Variants in ZKSCAN5 observed in about 807,000 individuals in gnomAD.
ZKSCAN5 encodes the protein zinc finger protein with KRAB and SCAN domains 5.
In ZKSCAN5, 28 loss-of-function variants were observed where a neutral mutation model predicts 60.0. The observed-to-expected ratio is 0.47, with a 90% CI of 0.35 to 0.64. ZKSCAN5 has a LOEUF of 0.64. Ranked by LOEUF, ZKSCAN5 falls within the 30% of genes least tolerant of loss-of-function variation. ZKSCAN5 has a pLI of 0.01. For missense variants in ZKSCAN5, 881 were observed against 1,034.6 expected (o/e 0.85, Z 2.04); for synonymous variants, 361 against 371.2 (o/e 0.97, Z 0.31).
intron 1 of ZKSCAN5, 44 bp from the exon 2 acceptor site, chr7:99,505,961 T>C (rs771210496): frequency 7.3e-5 from 108 of 1,485,698 alleles, no homozygotes; most frequent in Non-Finnish European, 9.6e-5. Context: ...CTACTGAAAG[T>C]GTCCTTCAGA....
intron 5 of ZKSCAN5, among the ~76,000 whole-genome samples, chr7:99,522,765 G>A (rs1246306477): frequency 6.6e-6 from 1 of 151,786 alleles, no homozygotes; most frequent in Non-Finnish European, 1.5e-5. Flanking sequence ...GGGATTACAG[G>A]CGTGAGCCAC....
At position 99,533,127 on chromosome 7, in the gene ZKSCAN5, A is replaced by G; in HGVS notation, c.*878A>G. On this transcript the variant is annotated 3_prime_UTR_variant, in exon 7 of 7. Transcript: ENST00000326775. ...AGGAGTTGGACCAAGGCGAATTACG[A>G]GTCCTGGTCCCAGCAGTATGTGTGC... 2.3e-6 allele frequency: 1 copy of G among 434,524 alleles called. No homozygotes were observed. The highest frequency in any genetic ancestry group is 4.7e-6 in the Non-Finnish European group (1 of 213,836). 26.9% of individuals were successfully genotyped at this position (434,524 alleles called of 1,614,324 possible). A position where few individuals can be genotyped will look rare whatever the true frequency, so the allele number is the denominator to read the frequency against.
chr7:99,532,326 A>AT lies in ZKSCAN5; in HGVS notation c.*82dup. On this transcript the variant is annotated 3_prime_UTR_variant, in exon 7 of 7. Transcript: ENST00000326775. ...AATGAGCAAAGTAACAACTTCAAGC[A>AT]TTTTTCCAGCGTTACCATCAAACTC... 7.2e-7 allele frequency: 1 copy of AT among 1,394,132 alleles called. No homozygotes were observed. Among genetic ancestry groups the AT allele is most frequent in the Non-Finnish European group, 9.6e-7 (1 of 1,043,748 alleles). 86.4% of individuals were successfully genotyped at this position (1,394,132 alleles called of 1,614,324 possible). A position where few individuals can be genotyped will look rare whatever the true frequency, so the allele number is the denominator to read the frequency against.
intron 6 of ZKSCAN5, among the ~76,000 whole-genome samples, chr7:99,529,294 C>T (rs565121276): frequency 2.0e-5 from 3 of 152,210 alleles, no homozygotes; most frequent in Non-Finnish European, 2.9e-5. Flanking sequence ...GCACCTACCA[C>T]GATCCCTTGC....
chr7:99,522,333 G>A (rs1307894004), intron 5 of ZKSCAN5, among the ~76,000 whole-genome samples: 2 of 152,168 alleles, frequency 1.3e-5, no homozygotes, highest in Non-Finnish European at 2.9e-5. Context: ...TGGGGAACAA[G>A]AGATAGTTTC....
intron 2 of ZKSCAN5, among the ~76,000 whole-genome samples, chr7:99,512,031 A>G (rs1801057163): frequency 6.6e-6 from 1 of 152,068 alleles, no homozygotes; most frequent in Admixed American, 6.6e-5. Context: ...TGACCTAGTG[A>G]TCCACCTGCC....
intron 2 of ZKSCAN5, among the ~76,000 whole-genome samples, chr7:99,509,100 T>C (rs939307820): frequency 6.6e-6 from 1 of 152,164 alleles, no homozygotes; most frequent in African/African-American, 2.4e-5. Context: ...GTGATTCTCC[T>C]GCCTCAGCCT....
chr7:99,511,216 TTG>T (rs1368774856), intron 2 of ZKSCAN5, among the ~76,000 whole-genome samples: 1 of 152,200 alleles, frequency 6.6e-6, no homozygotes, highest in Non-Finnish European at 1.5e-5. Context: ...TAGAGAGTGG[TTG>T]TGGCAGAGTA....
intron 2 of ZKSCAN5, among the ~76,000 whole-genome samples, chr7:99,511,634 G>A (rs1801032310): frequency 6.6e-6 from 1 of 151,220 alleles, no homozygotes; most frequent in South Asian, 2.1e-4. Flanking sequence ...GGAGAGACAG[G>A]GTCTCACTGT....
chr7:99,526,201 G>A lies in ZKSCAN5; in HGVS notation c.1161G>A (p.Val387=), dbSNP rs1373623082. Residue 387 remains valine, a synonymous_variant, in exon 6 of 7, where the codon GTG becomes GTA. Transcript: ENST00000326775. ...GTGGGAAGAGCTACAATCAGCGGGT[G>A]CACCTCACCCAGCACCAGCGCGTCC... ...GECGKSYNQR[V]HLTQHQRVHT... 6.2e-7 allele frequency: 1 copy of A among 1,614,154 alleles called. No individual in the cohort carries two copies. The highest frequency in any genetic ancestry group is 8.5e-7 in the Non-Finnish European group (1 of 1,180,024).
chr7:99,511,435 T>TTTTCTTTC (rs1013425000), intron 2 of ZKSCAN5, among the ~76,000 whole-genome samples: 4 of 151,982 alleles, frequency 2.6e-5, no homozygotes, highest in Non-Finnish European at 5.9e-5. Flanking sequence ...GAGAATTTTG[T>TTTTCTTTC]TTTCTTTCTT....
intron 5 of ZKSCAN5, among the ~76,000 whole-genome samples, chr7:99,521,842 A>G (rs1249304662): frequency 1.3e-5 from 2 of 152,106 alleles, no homozygotes; most frequent in Non-Finnish European, 2.9e-5. Flanking sequence ...TTACTCATAT[A>G]GTATAAATGT....
At position 99,531,115 on chromosome 7, in the gene ZKSCAN5, C is replaced by A. The variant is rs746247681; in HGVS notation, c.1386C>A (p.Asp462Glu). Residue 462 changes from aspartate (D) to glutamate (E), a missense_variant, in exon 7 of 7, where the codon GAC becomes GAA. Coordinates refer to ENST00000326775, the MANE Select transcript of ZKSCAN5 (RefSeq NM_145102.4). Reference sequence around the variant, plus strand: ...GCTCTTTATTTTTTTTAGGCAGTGACAAAAGAAGTAAGAACACAAAATTAA... The same window carrying A: ...GCTCTTTATTTTTTTTAGGCAGTGAAAAAAGAAGTAAGAACACAAAATTAA... ...HFREKSQRCS[D>E]KRSKNTKLSV... The A allele has an allele frequency of 6.4e-7, 1 of 1,570,188 alleles. No individual in the cohort carries two copies. Among genetic ancestry groups the A allele is most frequent in the South Asian group, 1.2e-5 (1 of 83,588 alleles).
chr7:99,526,454 G>A, intron 6 of ZKSCAN5, 36 bp downstream of exon 6: 2 of 1,568,950 alleles, frequency 1.3e-6, no homozygotes, highest in East Asian at 2.2e-5. Flanking sequence ...GGGATAAATG[G>A]AGGCGAAAAG....
chr7:99,524,600 C>G (rs1362478822), intron 5 of ZKSCAN5, among the ~76,000 whole-genome samples: 7 of 152,200 alleles, frequency 4.6e-5, no homozygotes, highest in African/African-American at 1.4e-4. Flanking sequence ...CTTGCTGATA[C>G]AGTTGAACAA....
intron 6 of ZKSCAN5, among the ~76,000 whole-genome samples, chr7:99,530,827 C>G (rs746616502): frequency 6.6e-6 from 1 of 152,104 alleles, no homozygotes; most frequent in Non-Finnish European, 1.5e-5. Context: ...GAGGCTGAGG[C>G]GGGTGGATCA....
At position 99,533,716 on chromosome 7, in the gene ZKSCAN5, A is replaced by G; in HGVS notation, c.*1467A>G. ...GCTCTGGCACCCTTGGATCAGGCCA[A>G]GCTAGACTTTTTCTGAGCCTTCATC... On this transcript the variant is annotated 3_prime_UTR_variant, in exon 7 of 7. Transcript: ENST00000326775. 2.5e-6 allele frequency: 1 copy of G among 398,972 alleles called. No homozygotes were observed. The allele number at this position is 398,972 out of a possible 1,614,324, so 24.7% of individuals were successfully genotyped here. A position where few individuals can be genotyped will look rare whatever the true frequency, so the allele number is the denominator to read the frequency against.
intron 5 of ZKSCAN5, among the ~76,000 whole-genome samples, chr7:99,523,344 G>A (rs1562911738): frequency 6.6e-6 from 1 of 151,774 alleles, no homozygotes; most frequent in Non-Finnish European, 1.5e-5. Flanking sequence ...GCTGCCTGCT[G>A]AACGCAGGAA....
At chr7:99,521,839 T>C (rs942007306) in intron 5 of ZKSCAN5, among the ~76,000 whole-genome samples, 33 of 152,228 alleles carry the variant, frequency 2.2e-4, no homozygotes, top group Admixed American at 1.8e-3. Context: ...GAATTACTCA[T>C]ATAGTATAAA....
Sources: gnomAD v4.1 joint callset for allele counts (sites outside exome capture counted in the v4.1 genomes callset) on GRCh38, gnomAD v4.1.1 for gene constraint, MANE v1.5 for transcripts, NCBI Gene and HGNC (gene_info 2026-07-23, HGNC 2026-07-21) for gene names.